The following NXPE4 variants were observed in gnomAD, a reference collection of about 807,000 sequenced individuals.
NXPE4 encodes NXPE family member 4.
In NXPE4, 42 loss-of-function variants were observed where a neutral mutation model predicts 33.3. That is an observed-to-expected ratio of 1.26 (90% CI 0.98 to 1.63). The LOEUF (loss-of-function observed/expected upper bound fraction) is 1.63. NXPE4 is among the 40% of genes most tolerant of loss of function. The pLI is 0.00. For missense variants in NXPE4, 709 were observed against 647.6 expected (o/e 1.09, Z -1.03); for synonymous variants, 253 against 234.9 (o/e 1.08, Z -0.71).
chr11:114,657,518 T>C, the NXPE4 span, among the ~76,000 whole-genome samples: 1 of 152,176 alleles, frequency 6.6e-6, no homozygotes. Context: ...CCACTTACTC[T>C]TACCACTACT....
At chr11:114,609,826 A>G in the NXPE4 span, among the ~76,000 whole-genome samples, 2 of 151,686 alleles carry the variant, frequency 1.3e-5, no homozygotes, top group Non-Finnish European at 2.9e-5. Context: ...GTGGATTACC[A>G]TGGTAACCCG....
the NXPE4 span, among the ~76,000 whole-genome samples, chr11:114,601,638 T>A: frequency 1.2e-5 from 1 of 84,276 alleles, no homozygotes; most frequent in Non-Finnish European, 2.0e-5. Context: ...TATTTATAAT[T>A]ATATATAATT....
At chr11:114,651,078 A>C in the NXPE4 span, among the ~76,000 whole-genome samples, 1 of 150,124 alleles carries the variant, frequency 6.7e-6, no homozygotes, top group East Asian at 1.9e-4. Context: ...AATGTATAAT[A>C]ATATATATAC....
chr11:114,578,107 A>C (rs886171033), intron 5 of NXPE4, among the ~76,000 whole-genome samples: 2 of 152,188 alleles, frequency 1.3e-5, no homozygotes, highest in East Asian at 3.9e-4. Context: ...TTTTGAGGAA[A>C]ATGTTCAGAG....
the NXPE4 span, among the ~76,000 whole-genome samples, chr11:114,623,246 C>T: frequency 6.6e-6 from 1 of 151,998 alleles, no homozygotes; most frequent in Non-Finnish European, 1.5e-5. Flanking sequence ...ACCACTGTTT[C>T]CCGGTGGGTA....
At chr11:114,585,188 C>G (rs2366363) in intron 2 of NXPE4, among the ~76,000 whole-genome samples, 1 of 151,524 alleles carries the variant, frequency 6.6e-6, no homozygotes, top group Non-Finnish European at 1.5e-5. Flanking sequence ...TGTCTTCCCC[C>G]AGTTCTGCAG....
At chr11:114,642,551 G>T in the NXPE4 span, among the ~76,000 whole-genome samples, 1,345 of 152,086 alleles carry the variant, frequency 8.8e-3, 20 homozygotes, top group African/African-American at 0.031. Context: ...TGCTGAGAAT[G>T]ATGGTTTCCA....
intron 1 of NXPE4, 87 bp from the exon 2 acceptor site, chr11:114,594,856 G>T (rs1949544527): frequency 2.8e-6 from 2 of 713,940 alleles, no homozygotes; most frequent in Non-Finnish European, 4.8e-6. Context: ...AAATTTTTTT[G>T]GCTCATGATT....
chr11:114,605,558 A>G, the NXPE4 span, among the ~76,000 whole-genome samples: 1 of 151,634 alleles, frequency 6.6e-6, no homozygotes, highest in Non-Finnish European at 1.5e-5. Context: ...ATGGGTAACC[A>G]CTGTTACCCG....
the NXPE4 span, among the ~76,000 whole-genome samples, chr11:114,656,092 A>G: frequency 1.3e-5 from 2 of 152,152 alleles, no homozygotes; most frequent in Non-Finnish European, 1.5e-5. Flanking sequence ...TCAGGATACA[A>G]AAATCAATGT....
the NXPE4 span, among the ~76,000 whole-genome samples, chr11:114,634,900 T>C: frequency 6.6e-6 from 1 of 152,066 alleles, no homozygotes; most frequent in Non-Finnish European, 1.5e-5. Flanking sequence ...GGTAGTGTGA[T>C]GCCTCCAGCT....
At chr11:114,589,905 T>G (rs1229158906) in intron 2 of NXPE4, among the ~76,000 whole-genome samples, 1 of 152,200 alleles carries the variant, frequency 6.6e-6, no homozygotes, top group African/African-American at 2.4e-5. Context: ...TCTCAATCCA[T>G]CTGGTAGTAC....
chr11:114,635,431 C>G, the NXPE4 span, among the ~76,000 whole-genome samples: 138 of 151,576 alleles, frequency 9.1e-4, 1 homozygote, highest in East Asian at 0.021. Context: ...TTGACTTCCT[C>G]TTTTCCTAAT....
the NXPE4 span, among the ~76,000 whole-genome samples, chr11:114,652,041 C>T: frequency 2.0e-5 from 3 of 152,150 alleles, no homozygotes; most frequent in Non-Finnish European, 4.4e-5. Context: ...CATTTGTTAC[C>T]CAACTGATAA....
chr11:114,621,436 G>A, the NXPE4 span, among the ~76,000 whole-genome samples: 2 of 151,894 alleles, frequency 1.3e-5, no homozygotes, highest in Non-Finnish European at 1.5e-5. Flanking sequence ...TTGCCTCTAA[G>A]GTAATCACTG....
chr11:114,634,700 G>A, the NXPE4 span, among the ~76,000 whole-genome samples: 1 of 152,034 alleles, frequency 6.6e-6, no homozygotes, highest in Non-Finnish European at 1.5e-5. Flanking sequence ...GGTTTTCCCA[G>A]CACCATTTAT....
At chr11:114,636,455 T>C in the NXPE4 span, among the ~76,000 whole-genome samples, 1 of 152,066 alleles carries the variant, frequency 6.6e-6, no homozygotes, top group Non-Finnish European at 1.5e-5. Flanking sequence ...TTTGTGTCTC[T>C]ATTTCCTTCA....
the NXPE4 span, among the ~76,000 whole-genome samples, chr11:114,631,178 T>C: frequency 1.3e-5 from 2 of 152,028 alleles, no homozygotes; most frequent in African/African-American, 4.8e-5. Flanking sequence ...ACTGGGTATA[T>C]ACCCAAAGGG....
upstream of NXPE4, among the ~76,000 whole-genome samples, chr11:114,596,847 C>T (rs753132145): frequency 2.0e-5 from 3 of 152,052 alleles, no homozygotes; most frequent in Non-Finnish European, 2.9e-5. Context: ...TAATGTTAAC[C>T]TGGAGTCTGT....
Sources: gnomAD v4.1 joint callset for allele counts (sites outside exome capture counted in the v4.1 genomes callset) on GRCh38, gnomAD v4.1.1 for gene constraint, MANE v1.5 for transcripts, NCBI Gene and HGNC (gene_info 2026-07-23, HGNC 2026-07-21) for gene names.